The following SPAG16 variants were observed in gnomAD, a reference collection of about 807,000 sequenced individuals.
The protein encoded by SPAG16 is sperm associated antigen 16.
Under a neutral mutation model 80.4 loss-of-function variants are expected in SPAG16, and 86 were observed. The observed-to-expected ratio is 1.07, with a 90% CI of 0.90 to 1.28. The LOEUF is 1.28. Ranked by LOEUF, SPAG16 falls within the 50% of genes most tolerant of loss-of-function variation. The pLI is 0.00. For missense variants in SPAG16, 870 were observed against 765.3 expected, an observed-to-expected ratio of 1.14 and a Z score of -1.61; for synonymous variants, 294 against 265.9, an observed-to-expected ratio of 1.11 and a Z score of -1.03.
At chr2:213,359,257 A>G (rs2065844303) in intron 7 of SPAG16, among the ~76,000 whole-genome samples, 1 of 152,182 alleles carries the variant, frequency 6.6e-6, no homozygotes, top group Non-Finnish European at 1.5e-5. Context: ...GAGGCAGTCC[A>G]TCCATTCTCA....
At chr2:213,549,133 C>T (rs2076707431) in intron 10 of SPAG16, among the ~76,000 whole-genome samples, 1 of 151,832 alleles carries the variant, frequency 6.6e-6, no homozygotes, top group Non-Finnish European at 1.5e-5. Context: ...TTAATATGAC[C>T]AATTTTGTTT....
At chr2:214,056,313 A>G (rs1208082980) in intron 13 of SPAG16, among the ~76,000 whole-genome samples, 2 of 148,172 alleles carry the variant, frequency 1.3e-5, no homozygotes, top group African/African-American at 5.0e-5. Flanking sequence ...ACACACACAC[A>G]CGCATAGAGA....
intron 10 of SPAG16, among the ~76,000 whole-genome samples, chr2:213,767,156 A>G (rs925445556): frequency 3.3e-5 from 5 of 152,230 alleles, no homozygotes; most frequent in Non-Finnish European, 7.3e-5. Context: ...TCCAGGTGGG[A>G]AATTAATTCA....
chr2:213,309,623 C>A (rs565461054), intron 3 of SPAG16, among the ~76,000 whole-genome samples: 1 of 151,908 alleles, frequency 6.6e-6, no homozygotes, highest in African/African-American at 2.4e-5. Flanking sequence ...AGATACAAAC[C>A]GGAACATAAG....
intron 12 of SPAG16, among the ~76,000 whole-genome samples, chr2:213,958,676 A>C (rs1192764277): frequency 6.6e-6 from 1 of 152,214 alleles, no homozygotes; most frequent in Non-Finnish European, 1.5e-5. Flanking sequence ...TTAGCCTCTT[A>C]CATTATTCAG....
At chr2:213,971,673 C>G (rs1452357020) in intron 12 of SPAG16, among the ~76,000 whole-genome samples, 1 of 152,130 alleles carries the variant, frequency 6.6e-6, no homozygotes, top group Non-Finnish European at 1.5e-5. Flanking sequence ...GATCCAGCAA[C>G]TCTGCTTCTA....
At chr2:214,126,394 C>T (rs1462401938) in intron 14 of SPAG16, among the ~76,000 whole-genome samples, 1 of 151,568 alleles carries the variant, frequency 6.6e-6, no homozygotes, top group African/African-American at 2.4e-5. Context: ...GTATTCAGCA[C>T]ACCAAGGAGC....
chr2:214,182,667 A>G (rs2125674830), intron 15 of SPAG16, among the ~76,000 whole-genome samples: 1 of 152,064 alleles, frequency 6.6e-6, no homozygotes, highest in Non-Finnish European at 1.5e-5. Context: ...TACAAGATAT[A>G]TAAATATTAA....
chr2:213,781,558 T>C (rs187247165), intron 10 of SPAG16, among the ~76,000 whole-genome samples: 46 of 152,266 alleles, frequency 3.0e-4, no homozygotes, highest in Non-Finnish European at 5.6e-4. Flanking sequence ...TCCTTACAAA[T>C]GACTAAAAAG....
intron 10 of SPAG16, among the ~76,000 whole-genome samples, chr2:213,819,298 G>A (rs956174719): frequency 2.6e-5 from 4 of 152,090 alleles, no homozygotes; most frequent in African/African-American, 9.7e-5. Flanking sequence ...CCTGGAAAAT[G>A]CCAACATGAA....
intron 15 of SPAG16, among the ~76,000 whole-genome samples, chr2:214,184,604 A>G (rs1245244258): frequency 2.0e-5 from 3 of 152,092 alleles, no homozygotes; most frequent in Admixed American, 2.0e-4. Flanking sequence ...GGGAATCTGC[A>G]AACAGTTTCA....
At chr2:214,394,578 C>T (rs1701258252) in intron 15 of SPAG16, among the ~76,000 whole-genome samples, 1 of 151,926 alleles carries the variant, frequency 6.6e-6, no homozygotes, top group South Asian at 2.1e-4. Flanking sequence ...TTATTTTTTA[C>T]TTTGTCTTTT....
intron 10 of SPAG16, among the ~76,000 whole-genome samples, chr2:213,795,820 C>T (rs1022375240): frequency 3.3e-5 from 5 of 152,194 alleles, no homozygotes; most frequent in African/African-American, 1.2e-4. Flanking sequence ...GCTTTTCCTT[C>T]ACCTTCCACA....
intron 12 of SPAG16, among the ~76,000 whole-genome samples, chr2:213,973,353 T>C (rs2045185565): frequency 6.6e-6 from 1 of 152,072 alleles, no homozygotes; most frequent in Admixed American, 6.6e-5. Context: ...TTGCCTTCCC[T>C]TTTTGAATAG....
intron 8 of SPAG16, among the ~76,000 whole-genome samples, chr2:213,373,088 TGCAC>T (rs1232681546): frequency 2.0e-5 from 3 of 152,166 alleles, no homozygotes; most frequent in Admixed American, 6.5e-5. Flanking sequence ...TTTGGAAAAC[TGCAC>T]AGTACCTGTT....
At chr2:213,710,307 A>C (rs2065928561) in intron 10 of SPAG16, among the ~76,000 whole-genome samples, 1 of 152,072 alleles carries the variant, frequency 6.6e-6, no homozygotes, top group African/African-American at 2.4e-5. Context: ...AAGAAGTTAT[A>C]GGAAATGACA....
chr2:213,717,125 G>A (rs533421027), intron 10 of SPAG16, among the ~76,000 whole-genome samples: 75 of 150,762 alleles, frequency 5.0e-4, no homozygotes, highest in African/African-American at 1.7e-3. Context: ...CGCTCCCTAC[G>A]TAACTCAACT....
At chr2:214,057,834 G>A (rs370819308) in intron 13 of SPAG16, among the ~76,000 whole-genome samples, 11 of 152,160 alleles carry the variant, frequency 7.2e-5, no homozygotes, top group African/African-American at 2.2e-4. Context: ...CAGCACTGGC[G>A]CTTCACCTTG....
intron 14 of SPAG16, among the ~76,000 whole-genome samples, chr2:214,144,910 C>A (rs1212543246): frequency 2.6e-5 from 4 of 151,900 alleles, no homozygotes; most frequent in East Asian, 3.9e-4. Flanking sequence ...TATCCTATTT[C>A]TTTTAGAGAT....
Sources: gnomAD v4.1 joint callset for allele counts (sites outside exome capture counted in the v4.1 genomes callset) on GRCh38, gnomAD v4.1.1 for gene constraint, MANE v1.5 for transcripts, NCBI Gene and HGNC (gene_info 2026-07-23, HGNC 2026-07-21) for gene names.